Variants in FAM53A observed in about 807,000 individuals in gnomAD.
FAM53A encodes the protein family with sequence similarity 53 member A, also known as protein FAM53A.
Under a neutral mutation model 26.6 loss-of-function variants are expected in FAM53A, and 28 were observed. That is an observed-to-expected ratio of 1.05 (90% CI 0.78 to 1.45). The LOEUF (loss-of-function observed/expected upper bound fraction) is 1.45, where lower values mean the gene tolerates loss of function less well. Ranked by LOEUF, FAM53A falls within the 40% of genes most tolerant of loss-of-function variation. FAM53A has a pLI of 0.00. For synonymous variants in FAM53A, 290 were observed against 253.1 expected, an observed-to-expected ratio of 1.15 and a Z score of -1.38; for missense variants, 650 against 575.8, an observed-to-expected ratio of 1.13 and a Z score of -1.32.
At chr4:1,632,841 GAC>G (rs1427090042) in intron 1 of FAM53A, among the ~76,000 whole-genome samples, 4 of 152,188 alleles carry the variant, frequency 2.6e-5, no homozygotes, top group African/African-American at 4.8e-5. Context: ...AATACCTGTG[GAC>G]ACACAGTTAC....
At chr4:1,605,043 C>T in the FAM53A span, among the ~76,000 whole-genome samples, 1 of 152,184 alleles carries the variant, frequency 6.6e-6, no homozygotes, top group Non-Finnish European at 1.5e-5. The surrounding 1 kb of genome is among the most constrained non-coding windows in gnomAD (Gnocchi z 5.7). Flanking sequence ...AGACCCTGCT[C>T]CCGCCACCTG....
chr4:1,652,528 CTACCATACACACAGGCCACACCACACAT>C (rs1712945679), intron 4 of FAM53A, among the ~76,000 whole-genome samples: 1 of 146,502 alleles, frequency 6.8e-6, no homozygotes, highest in African/African-American at 2.5e-5. Context: ...ACCATATACT[CTACCATACACACAGGCCACACCACACAT>C]TACCACACAC....
At chr4:1,617,128 T>G (rs879514922), downstream of FAM53A, among the ~76,000 whole-genome samples, 4 of 87,706 alleles carry the variant, frequency 4.6e-5, no homozygotes, top group Non-Finnish European at 1.0e-4. Flanking sequence ...GGAGACTCCA[T>G]CTTGAAATTT....
chr4:1,677,119 G>T (rs940886772), intron 1 of FAM53A, among the ~76,000 whole-genome samples: 4 of 152,164 alleles, frequency 2.6e-5, no homozygotes, highest in African/African-American at 9.7e-5. Context: ...CCTGAGAAGG[G>T]GGGCACGTGA....
rs1221557921 is a variant in FAM53A, at chr4:1,684,250, G to A, written c.-182C>T. Reference sequence around the variant, plus strand: ...CTCGGTACCTGAGCGCGGCCGCGGGGGTGCGGAGCGAGAAGACTGCCGGCC... The same window carrying A: ...CTCGGTACCTGAGCGCGGCCGCGGGAGTGCGGAGCGAGAAGACTGCCGGCC... On this transcript the variant is annotated 5_prime_UTR_variant, in exon 1 of 5. Transcript: ENST00000308132. 5.3e-5 allele frequency: 8 copies of A among 151,232 alleles called. No individual in the cohort carries two copies. The highest frequency in any genetic ancestry group is 1.9e-4 in the African/African-American group (8 of 41,278). The allele number at this position is 151,232 out of a possible 1,614,324, so 9.4% of individuals were successfully genotyped here.
intron 1 of FAM53A, among the ~76,000 whole-genome samples, chr4:1,669,285 C>T (rs562839006): frequency 6.6e-6 from 1 of 152,360 alleles, no homozygotes. Context: ...CTACCCACCC[C>T]CTTCTGCTCC....
In FAM53A at chr4:1,668,674, G is replaced by T; in HGVS notation, c.68C>A (p.Ala23Asp). Residue 23 changes from alanine (A) to aspartate (D), a missense_variant, in exon 2 of 5, where the codon GCT becomes GAT. Coordinates refer to ENST00000308132, the MANE Select transcript of FAM53A (RefSeq NM_001174070.3). ...CCACCTGCAGCTGCTTACCGGGCCAGCCTCCGCCTTGCAGGTGAGGTCGTC... is the reference window on the plus strand; with the variant it reads ...CCACCTGCAGCTGCTTACCGGGCCATCCTCCGCCTTGCAGGTGAGGTCGTC... Reference protein sequence around the residue: ...SLDDLTCKAEAGPLQYSAETL... With the variant: ...SLDDLTCKAEDGPLQYSAETL... 6.2e-7 allele frequency: 1 copy of T among 1,614,060 alleles called. No individual in the cohort carries two copies. Among genetic ancestry groups the T allele is most frequent in the Non-Finnish European group, 8.5e-7 (1 of 1,180,028 alleles).
Position 1,655,117 on chromosome 4 carries a change from G to A in FAM53A, c.743C>T (p.Ala248Val), listed in dbSNP as rs760575958. ...WASSSPTSTP[A>V]LGGRRGLLRC... ...GAGCAGCCCACGGCGCCCGCCCAGC[G>A]CAGGCGTGGACGTGGGGCTGCTGCT... Residue 248 changes from alanine (A) to valine (V), a missense_variant, in exon 4 of 5, where the codon GCG becomes GTG. Transcript: ENST00000308132. 3.1e-5 allele frequency: 50 copies of A among 1,597,886 alleles called. No individual in the cohort carries two copies. The highest frequency in any genetic ancestry group is 1.6e-4 in the East Asian group (7 of 44,334).
chr4:1,607,456 C>T, the FAM53A span, among the ~76,000 whole-genome samples: 2 of 152,252 alleles, frequency 1.3e-5, no homozygotes, highest in South Asian at 4.2e-4. Context: ...CATTCACCCA[C>T]GGCCTTCAAT....
the FAM53A span, among the ~76,000 whole-genome samples, chr4:1,578,674 C>T: frequency 6.7e-6 from 1 of 149,694 alleles, no homozygotes. Context: ...CCCGAACCGC[C>T]CTCTGCAGAC....
chr4:1,675,184 T>G (rs1488970290), intron 1 of FAM53A, among the ~76,000 whole-genome samples: 1 of 152,132 alleles, frequency 6.6e-6, no homozygotes, highest in Non-Finnish European at 1.5e-5. Context: ...TCCAGGTAGA[T>G]GTAGAAGAGA....
chr4:1,630,285 G>A lies in FAM53A; in HGVS notation c.432-12174C>T, dbSNP rs568887362. Among the ~76,000 whole-genome samples the A allele has an allele frequency of 1.3e-4, 20 of 152,340 alleles. No individual in the cohort carries two copies. The South Asian group carries it at 1.4e-3, about 11-fold the overall frequency. ...CTGTCCTCTGAGCTGCCCGTGACCA[G>A]GGGGTCAGAGCCCACCTTGGTGTTG... On this transcript the variant is annotated intron_variant, in intron 1 of 1. Coordinates refer to the FAM53A transcript ENST00000489029. This position sits in a 1 kb window ranked among gnomAD's most constrained non-coding sequence, Gnocchi z 4.3.
chr4:1,600,519 G>A, the FAM53A span, among the ~76,000 whole-genome samples: 2 of 152,128 alleles, frequency 1.3e-5, no homozygotes, highest in African/African-American at 4.8e-5. Context: ...GCAGGGGCTG[G>A]GACCCCACGT....
In FAM53A at chr4:1,642,241, C is replaced by T. The variant is rs75966253; in HGVS notation, c.883-634G>A. 9.7e-3 allele frequency among the ~76,000 whole-genome samples: 1,472 copies of T among 152,310 alleles called. 36 individuals carry two copies. The highest frequency in any genetic ancestry group is 0.033 in the African/African-American group (1,373 of 41,562). ...AATAGAAACACATGCAAATCCTTCT[C>T]ATCTCAAAATACGTGCGACAAACAG... is the stretch of plus-strand genomic sequence containing the variant. On this transcript the variant is annotated intron_variant, in intron 4 of 4. Transcript: ENST00000308132.
At chr4:1,649,784 C>G (rs1290810278) in intron 4 of FAM53A, among the ~76,000 whole-genome samples, 1 of 152,276 alleles carries the variant, frequency 6.6e-6, no homozygotes, top group Non-Finnish European at 1.5e-5. Flanking sequence ...AGAGCCTCCC[C>G]ATCGGCCTCC....
At chr4:1,637,428 G>A (rs1408569207), downstream of FAM53A, among the ~76,000 whole-genome samples, 2 of 152,296 alleles carry the variant, frequency 1.3e-5, no homozygotes, top group East Asian at 3.9e-4. Flanking sequence ...TCGAGGGACA[G>A]AGGGAGCCTG....
intron 1 of FAM53A, among the ~76,000 whole-genome samples, chr4:1,680,327 A>C (rs1461958116): frequency 2.0e-5 from 3 of 148,290 alleles, no homozygotes; most frequent in Non-Finnish European, 4.5e-5. Context: ...CTCAAAAAAA[A>C]AAAAAAAAAA....
At chr4:1,589,213 A>C in the FAM53A span, among the ~76,000 whole-genome samples, 1 of 152,220 alleles carries the variant, frequency 6.6e-6, no homozygotes, top group Non-Finnish European at 1.5e-5. Flanking sequence ...GTGCTATCAA[A>C]TCCTTTTTTA....
upstream of FAM53A, chr4:1,684,431 C>G (rs1310278967): frequency 6.7e-6 from 1 of 149,182 alleles, no homozygotes. Context: ...CGGCCCTCAG[C>G]CGCGCCGCGC....
Sources: gnomAD v4.1 joint callset for allele counts (sites outside exome capture counted in the v4.1 genomes callset) on GRCh38, gnomAD v4.1.1 for gene constraint, Gnocchi (gnomAD v3.1) non-coding constraint, MANE v1.5 for transcripts, NCBI Gene and HGNC (gene_info 2026-07-23, HGNC 2026-07-21) for gene names.